Variants in DOCK3 observed in about 807,000 individuals in gnomAD.
DOCK3 encodes the protein dedicator of cytokinesis 3.
Under a neutral mutation model 265.6 loss-of-function variants are expected in DOCK3, and 60 were observed. That is an observed-to-expected ratio of 0.23 (90% CI 0.18 to 0.28). DOCK3 has a LOEUF of 0.28. DOCK3 is among the 10% of genes least tolerant of loss of function. The pLI is 1.00. For synonymous variants in DOCK3, 881 were observed against 938.0 expected (o/e 0.94, Z 1.11); for missense variants, 1,981 against 2,594.3 (o/e 0.76, Z 5.14).
At chr3:50,778,105 T>C (rs972555306) in intron 1 of DOCK3, among the ~76,000 whole-genome samples, 1 of 152,136 alleles carries the variant, frequency 6.6e-6, no homozygotes. Context: ...ATTCTTTGTA[T>C]TCTTATATGA....
At chr3:51,358,152 A>C in intron 46 of DOCK3, 75 bp downstream of exon 46, 2 of 1,474,288 alleles carry the variant, frequency 1.4e-6, no homozygotes, top group Non-Finnish European at 1.9e-6. Context: ...CCACAAACCA[A>C]AGGAAAATAG....
chr3:51,053,934 G>A (rs539489128), intron 5 of DOCK3, among the ~76,000 whole-genome samples: 27 of 151,900 alleles, frequency 1.8e-4, no homozygotes, highest in African/African-American at 6.3e-4. Context: ...AAGCACTTCA[G>A]GTATTTTATC....
At chr3:51,341,180 C>T (rs2085213464) in intron 37 of DOCK3, 57 bp from the exon 38 acceptor site, 1 of 1,512,230 alleles carries the variant, frequency 6.6e-7, no homozygotes, top group Non-Finnish European at 8.8e-7. Context: ...CACCAGGCTG[C>T]TCCTGGGCCT....
intron 9 of DOCK3, among the ~76,000 whole-genome samples, chr3:51,126,632 A>G (rs2084279115): frequency 6.6e-6 from 1 of 152,164 alleles, no homozygotes; most frequent in Admixed American, 6.5e-5. Context: ...CCATTTATTC[A>G]TCTACATGCT....
At chr3:51,322,513 A>C (rs918760469) in intron 32 of DOCK3, among the ~76,000 whole-genome samples, 6 of 152,138 alleles carry the variant, frequency 3.9e-5, no homozygotes, top group Non-Finnish European at 7.3e-5. Flanking sequence ...AACATTCTTA[A>C]AGAAAAGAAT....
At chr3:50,687,097 CT>C (rs1161306463) in intron 1 of DOCK3, among the ~76,000 whole-genome samples, 1 of 151,172 alleles carries the variant, frequency 6.6e-6, no homozygotes, top group Non-Finnish European at 1.5e-5. Flanking sequence ...GTAATCCCAG[CT>C]ACTCGGGAGG....
intron 9 of DOCK3, among the ~76,000 whole-genome samples, chr3:51,144,097 C>T (rs940153197): frequency 1.3e-5 from 2 of 152,096 alleles, no homozygotes; most frequent in African/African-American, 2.4e-5. Flanking sequence ...ATTTGCTGAA[C>T]GTACTATACA....
At chr3:51,085,319 T>C (rs7653451) in intron 7 of DOCK3, among the ~76,000 whole-genome samples, 137,222 of 152,280 alleles carry the variant, frequency 0.9, 62,021 homozygotes, top group African/African-American at 0.95. Flanking sequence ...ATAGAACAAA[T>C]GTACTTAACA....
intron 1 of DOCK3, among the ~76,000 whole-genome samples, chr3:50,711,143 A>G (rs1482121526): frequency 2.0e-5 from 3 of 151,982 alleles, no homozygotes; most frequent in Non-Finnish European, 2.9e-5. Flanking sequence ...GCATACATAT[A>G]TTGTGATTAC....
intron 5 of DOCK3, among the ~76,000 whole-genome samples, chr3:50,956,648 T>C (rs545693972): frequency 6.6e-6 from 1 of 152,240 alleles, no homozygotes; most frequent in South Asian, 2.1e-4. Flanking sequence ...AAATGGAAGA[T>C]TAGAGAAGAG....
chr3:50,960,593 C>A (rs1575615582), intron 5 of DOCK3, among the ~76,000 whole-genome samples: 1 of 151,902 alleles, frequency 6.6e-6, no homozygotes, highest in East Asian at 1.9e-4. Flanking sequence ...GGAGATAATC[C>A]CTTTATCAGA....
intron 5 of DOCK3, among the ~76,000 whole-genome samples, chr3:51,038,999 A>G (rs993028336): frequency 1.3e-4 from 20 of 151,450 alleles, no homozygotes; most frequent in Non-Finnish European, 2.5e-4. Context: ...TAATTTTATT[A>G]TTATTATTAT....
At chr3:51,142,926 G>A (rs758396542) in intron 9 of DOCK3, among the ~76,000 whole-genome samples, 2 of 151,270 alleles carry the variant, frequency 1.3e-5, no homozygotes, top group Non-Finnish European at 2.9e-5. Flanking sequence ...CTCTCTTGTT[G>A]CCCGGGCTGG....
intron 22 of DOCK3, among the ~76,000 whole-genome samples, chr3:51,248,751 C>G (rs1423203331): frequency 1.3e-5 from 2 of 150,908 alleles, no homozygotes; most frequent in African/African-American, 4.9e-5. Context: ...AAGTGAGGAG[C>G]GCCTCTTCCC....
chr3:50,919,722 C>T (rs1168843463), intron 4 of DOCK3, among the ~76,000 whole-genome samples: 2 of 152,224 alleles, frequency 1.3e-5, no homozygotes, highest in South Asian at 4.1e-4. Context: ...TTCCTCTTTT[C>T]CTAATTAAAT....
At chr3:51,153,896 G>A (rs2085727821) in intron 10 of DOCK3, among the ~76,000 whole-genome samples, 1 of 152,202 alleles carries the variant, frequency 6.6e-6, no homozygotes. Context: ...AAACAAGACT[G>A]TGTCACAATT....
chr3:51,378,892 C>A (rs527293945), intron 51 of DOCK3, among the ~76,000 whole-genome samples: 1 of 152,346 alleles, frequency 6.6e-6, no homozygotes, highest in East Asian at 1.9e-4. Context: ...GTGCTAGGAA[C>A]TGGGGTTCTG....
chr3:50,973,049 CTTTTTTTTT>C (rs71858027), intron 5 of DOCK3, among the ~76,000 whole-genome samples: 7 of 19,022 alleles, frequency 3.7e-4, no homozygotes, highest in East Asian at 2.0e-3. Context: ...CAGTGTGTTT[CTTTTTTTTT>C]TTTTTTTTTT....
At position 50,675,285 on chromosome 3, in the gene DOCK3, G is replaced by T; in HGVS notation, c.22G>T (p.Glu8Ter). The change falls in exon 1 of 53, where the codon GAG becomes TAG. Residue 8 changes from glutamate to a stop codon, truncating the protein, a stop_gained. Transcript: ENST00000266037. LOFTEE classifies it high-confidence loss of function. The surrounding 1 kb of genome is among the most constrained non-coding windows in gnomAD (Gnocchi z 6.1). ...GGCCATGTGGACCCCCACGGAGGAGGAGAAATACGGCGTAGGTAGGTGAGG... is the reference window on the plus strand; with the variant it reads ...GGCCATGTGGACCCCCACGGAGGAGTAGAAATACGGCGTAGGTAGGTGAGG... MWTPTEE[E>*]KYGVVICSFR... The T allele has an allele frequency of 7.9e-7, 1 of 1,270,576 alleles. No homozygotes were observed. 78.7% of individuals were successfully genotyped at this position (1,270,576 alleles called of 1,614,324 possible).
Sources: gnomAD v4.1 joint callset for allele counts (sites outside exome capture counted in the v4.1 genomes callset) on GRCh38, gnomAD v4.1.1 for gene constraint, Gnocchi (gnomAD v3.1) non-coding constraint, MANE v1.5 for transcripts, NCBI Gene and HGNC (gene_info 2026-07-23, HGNC 2026-07-21) for gene names.